The following MYO1E variants were observed in gnomAD, a reference collection of about 807,000 sequenced individuals.
The protein encoded by MYO1E is unconventional myosin-Ie.
Under a neutral mutation model 151.1 loss-of-function variants are expected in MYO1E, and 68 were observed. The observed-to-expected ratio is 0.45, with a 90% confidence interval of 0.37 to 0.55. MYO1E has a LOEUF of 0.55. Ranked by LOEUF, MYO1E falls within the 20% of genes least tolerant of loss-of-function variation. The pLI is 0.00. For missense variants in MYO1E, 1,363 were observed against 1,389.3 expected (o/e 0.98, Z 0.30); for synonymous variants, 601 against 501.7 (o/e 1.20, Z -2.64).
intron 25 of MYO1E, among the ~76,000 whole-genome samples, chr15:59,154,184 C>A (rs1410555574): frequency 1.3e-5 from 2 of 152,200 alleles, no homozygotes; most frequent in Non-Finnish European, 2.9e-5. Context: ...GAGACACCTT[C>A]TTGGGCCTAA....
chr15:59,295,167 A>C (rs750492180), intron 1 of MYO1E, among the ~76,000 whole-genome samples: 1 of 152,098 alleles, frequency 6.6e-6, no homozygotes, highest in Non-Finnish European at 1.5e-5. Flanking sequence ...AAAATCACTA[A>C]AAGTTGAGTC....
At chr15:59,145,884 C>T (rs926977566) in intron 26 of MYO1E, among the ~76,000 whole-genome samples, 1 of 152,170 alleles carries the variant, frequency 6.6e-6, no homozygotes, top group Non-Finnish European at 1.5e-5. Flanking sequence ...CAGTTCAGGC[C>T]TTTTCCTCCC....
intron 9 of MYO1E, 84 bp downstream of exon 9, chr15:59,222,975 G>T: frequency 1.3e-6 from 2 of 1,578,600 alleles, no homozygotes; most frequent in Non-Finnish European, 8.7e-7. Flanking sequence ...TCCCATTTGA[G>T]ATCTAAGCAA....
intron 10 of MYO1E, among the ~76,000 whole-genome samples, chr15:59,216,865 G>A (rs2079922005): frequency 6.6e-6 from 1 of 151,494 alleles, no homozygotes; most frequent in Admixed American, 6.6e-5. Flanking sequence ...CTAATAAACA[G>A]AATGTGGCAA....
At chr15:59,171,793 C>T (rs775622200) in intron 22 of MYO1E, 104 bp downstream of exon 22, 176 of 1,433,544 alleles carry the variant, frequency 1.2e-4, no homozygotes, top group Non-Finnish European at 1.7e-4. Context: ...ATGATTTTGA[C>T]AGCTGGGAAG....
chr15:59,332,194 G>A (rs892693380), intron 1 of MYO1E, among the ~76,000 whole-genome samples: 7 of 152,178 alleles, frequency 4.6e-5, no homozygotes, highest in African/African-American at 1.7e-4. Flanking sequence ...ATGAGGAACT[G>A]TGTTGTCTGA....
chr15:59,206,898 A>G, intron 14 of MYO1E: 3 of 1,577,288 alleles, frequency 1.9e-6, no homozygotes, highest in Non-Finnish European at 2.6e-6. Context: ...TCGGATCAGC[A>G]GCTTTTTTCC....
rs187456698 is a variant in MYO1E, at chr15:59,338,974, A to G, written c.3+33524T>C. ...TGGCGAGACCTCATCTCTATTAAAA[A>G]TACAAAAATTAGCCAGGCGTGGTGG... is the stretch of plus-strand genomic sequence containing the variant. On this transcript the variant is annotated intron_variant, in intron 1 of 27. Transcript: ENST00000288235. Among the ~76,000 whole-genome samples, 189 of 152,362 alleles carry G rather than the reference A, an allele frequency of 1.2e-3. 1 individual carries two copies. Among genetic ancestry groups the G allele is most frequent in the Admixed American group, 4.4e-3 (68 of 15,310 alleles).
chr15:59,311,577 G>A (rs1250318809), intron 1 of MYO1E, among the ~76,000 whole-genome samples: 4 of 152,140 alleles, frequency 2.6e-5, no homozygotes. Context: ...GAAATCACAT[G>A]AGTTTACCAT....
chr15:59,188,672 C>T (rs2079714151), intron 17 of MYO1E, among the ~76,000 whole-genome samples: 2 of 151,926 alleles, frequency 1.3e-5, no homozygotes, highest in South Asian at 2.1e-4. Flanking sequence ...CTCCAGCCTG[C>T]ATGACAGAGT....
intron 18 of MYO1E, among the ~76,000 whole-genome samples, chr15:59,187,885 GTGAC>G (rs2079708158): frequency 6.6e-6 from 1 of 152,200 alleles, no homozygotes; most frequent in Non-Finnish European, 1.5e-5. Context: ...AGGTAGATAA[GTGAC>G]TGACTGGGCC....
intron 2 of MYO1E, among the ~76,000 whole-genome samples, chr15:59,262,274 AC>A (rs1197994682): frequency 1.3e-5 from 2 of 152,142 alleles, no homozygotes; most frequent in African/African-American, 2.4e-5. Flanking sequence ...AGATGAACTA[AC>A]AGCTCTGTTC....
Position 59,338,706 on chromosome 15 carries a change from CCCATT to C in MYO1E, c.3+33787_3+33791del, listed in dbSNP as rs543177657. 1.9e-3 allele frequency among the ~76,000 whole-genome samples: 287 copies of C among 152,242 alleles called. 2 individuals carry two copies. The highest frequency in any genetic ancestry group is 4.2e-3 in the South Asian group (20 of 4,816). On this transcript the variant is annotated intron_variant, in intron 1 of 27. Coordinates refer to ENST00000288235, the MANE Select transcript of MYO1E (RefSeq NM_004998.4). ...GCAGGAGGAGCAAGGTCCTTGAAAACCCATTTGGGTAAAAATTTAGAATGATATGG... is the reference window on the plus strand; with the variant it reads ...GCAGGAGGAGCAAGGTCCTTGAAAACTGGGTAAAAATTTAGAATGATATGG...
intron 1 of MYO1E, among the ~76,000 whole-genome samples, chr15:59,279,303 C>T (rs979819151): frequency 2.0e-5 from 3 of 152,098 alleles, no homozygotes; most frequent in African/African-American, 7.2e-5. Flanking sequence ...AGAGCTGGCC[C>T]CCGGTGGAGA....
intron 25 of MYO1E, among the ~76,000 whole-genome samples, chr15:59,157,547 G>A (rs2079515715): frequency 6.6e-6 from 1 of 152,128 alleles, no homozygotes; most frequent in Non-Finnish European, 1.5e-5. Flanking sequence ...GCCAGGACAC[G>A]AATCGTCCCT....
At chr15:59,150,924 C>T (rs374924288) in intron 26 of MYO1E, among the ~76,000 whole-genome samples, 10 of 151,860 alleles carry the variant, frequency 6.6e-5, no homozygotes, top group African/African-American at 2.4e-4. Flanking sequence ...TTAGACCAAG[C>T]CAATCACGTG....
At chr15:59,312,375 G>A (rs768203087) in intron 1 of MYO1E, among the ~76,000 whole-genome samples, 9 of 152,192 alleles carry the variant, frequency 5.9e-5, no homozygotes, top group Non-Finnish European at 8.8e-5. Flanking sequence ...AACTTGGGCC[G>A]AGCCTGGAGG....
In MYO1E at chr15:59,139,759, G is replaced by T. The variant is rs529969049; in HGVS notation, c.3081-1392C>A. Among the ~76,000 whole-genome samples the T allele has an allele frequency of 7.5e-4, 105 of 140,700 alleles. 1 individual carries two copies. The highest frequency in any genetic ancestry group is 6.3e-3 in the South Asian group (27 of 4,286). 92.3% of individuals were successfully genotyped at this position (140,700 alleles called of 152,430 possible). A position where few individuals can be genotyped will look rare whatever the true frequency, so the allele number is the denominator to read the frequency against. On this transcript the variant is annotated intron_variant, in intron 26 of 27. Transcript: ENST00000288235. ...TTATTACTCCTCAGACTTCCCTCCC[G>T]TCCCTCATTATTACTCCTCACACTT...
chr15:59,268,100 T>C (rs12101516), intron 2 of MYO1E, among the ~76,000 whole-genome samples: 3,541 of 152,284 alleles, frequency 0.023, 128 homozygotes, highest in African/African-American at 0.077. Flanking sequence ...TCTTAACAAT[T>C]AAACATAGGA....
Sources: allele counts gnomAD v4.1 joint callset (sites outside exome capture counted in the v4.1 genomes callset), GRCh38; gene constraint gnomAD v4.1.1; transcripts MANE v1.5; gene names NCBI Gene and HGNC (gene_info 2026-07-23, HGNC 2026-07-21).